OR4C6: variants seen among roughly 807,000 people sequenced by gnomAD.
OR4C6 encodes olfactory receptor 4C6.
In OR4C6, 20 loss-of-function variants were observed where a neutral mutation model predicts 13.9. That is an observed-to-expected ratio of 1.43 (90% CI 1.01 to 2.08). The LOEUF (loss-of-function observed/expected upper bound fraction) is 2.08, where lower values mean the gene tolerates loss of function less well. OR4C6 is among the 30% of genes most tolerant of loss of function. The pLI, the probability that OR4C6 is intolerant of heterozygous loss-of-function variation, is 0.00. For missense variants in OR4C6, 555 were observed against 381.2 expected (o/e 1.46, Z -3.80); for synonymous variants, 193 against 141.5 (o/e 1.36, Z -2.58).
At chr11:55,663,543 C>G (rs1173675775) in intron 1 of OR4C6, among the ~76,000 whole-genome samples, 1 of 138,640 alleles carries the variant, frequency 7.2e-6, no homozygotes, top group Non-Finnish European at 1.6e-5. Context: ...TGATACTCAT[C>G]TAGGAAACCA....
Position 55,665,393 on chromosome 11 carries a change from C to G in OR4C6, c.227C>G (p.Ala76Gly). 6.2e-7 allele frequency: 1 copy of G among 1,613,448 alleles called. No individual in the cohort carries two copies. The highest frequency in any genetic ancestry group is 1.1e-5 in the South Asian group (1 of 91,072). ...GATGTCATGTTCTCATCTGTCGTTG[C>G]CCCCAAGGTGATTGTAGACACCCTC... is the stretch of plus-strand genomic sequence containing the variant. ...LLDVMFSSVV[A>G]PKVIVDTLSK... The change falls in exon 2 of 2, where the codon GCC (alanine) becomes GGC (glycine). Residue 76 changes from alanine (A) to glycine (G), a missense_variant. Transcript: ENST00000314259.
Position 55,665,447 on chromosome 11 carries a change from G to T in OR4C6, c.281G>T (p.Gly94Val), listed in dbSNP as rs1858728322. 1 of 1,613,746 alleles carries T rather than the reference G, an allele frequency of 6.2e-7. No individual in the cohort carries two copies. The highest frequency in any genetic ancestry group is 8.5e-7 in the Non-Finnish European group (1 of 1,179,976). Residue 94 changes from glycine (G) to valine (V), a missense_variant, in exon 2 of 2, where the codon GGC (glycine) becomes GTC (valine). Transcript: ENST00000314259. ...AAGAGCACTACCATCTCTCTCAAAG[G>T]CTGCCTCACCCAGCTGTTTGTGGAG... ...LSKSTTISLK[G>V]CLTQLFVEHF...
chr11:55,665,314 A>G lies in OR4C6; in HGVS notation c.148A>G (p.Ser50Gly), dbSNP rs200014503. The part of the protein sequence containing the change: ...NLLIVVTIIT[S>G]QSLRSPMYFF... ...ACTTATTGTGGTAACTATTATCACA[A>G]GTCAGAGTCTGAGGTCACCTATGTA... The change falls in exon 2 of 2, where the codon AGT (serine) becomes GGT (glycine). Residue 50 changes from serine (S) to glycine (G), a missense_variant. Physicochemically the swap from Ser to Gly is moderately conservative, Grantham distance 56. Coordinates refer to ENST00000314259, the MANE Select transcript of OR4C6 (RefSeq NM_001004704.2). The G allele has an allele frequency of 6.2e-7, 1 of 1,613,726 alleles. No individual in the cohort carries two copies. Among genetic ancestry groups the G allele is most frequent in the Non-Finnish European group, 8.5e-7 (1 of 1,179,778 alleles).
chr11:55,665,945 T>C lies in OR4C6; in HGVS notation c.779T>C (p.Val260Ala). Residue 260 changes from valine (V) to alanine (A), a missense_variant, in exon 2 of 2, where the codon GTG (valine) becomes GCG (alanine). Val to Ala is a moderately conservative substitution (Grantham distance 64, BLOSUM62 0). Transcript: ENST00000314259. ...TGTATTTTCTTGTACATGAGGCCTG[T>C]GGTCACTCACCCCATAGACAAGGCA... ...VPCIFLYMRP[V>A]VTHPIDKAMA... 6.2e-7 allele frequency: 1 copy of C among 1,613,958 alleles called. No individual in the cohort carries two copies. The highest frequency in any genetic ancestry group is 8.5e-7 in the Non-Finnish European group (1 of 1,179,984).
In OR4C6 at chr11:55,666,009, T is replaced by A. The variant is rs771846584; in HGVS notation, c.843T>A (p.Asn281Lys). 1.2e-6 allele frequency: 2 copies of A among 1,613,664 alleles called. No homozygotes were observed. The highest frequency in any genetic ancestry group is 2.7e-5 in the African/African-American group (2 of 74,754). The part of the protein sequence containing the change: ...VSDSIITPML[N>K]PLIYTLRNAE... ...ACTCAATCATCACACCCATGTTAAATCCCTTGATCTATACACTGAGGAATG... is the reference window on the plus strand; with the variant it reads ...ACTCAATCATCACACCCATGTTAAAACCCTTGATCTATACACTGAGGAATG... The change falls in exon 2 of 2, where the codon AAT (asparagine) becomes AAA (lysine). Residue 281 changes from asparagine to lysine, a missense_variant. By Grantham distance (94) the Asn-to-Lys change is moderately conservative (BLOSUM62 0). Transcript: ENST00000314259.
chr11:55,664,574 T>A (rs1465938249), intron 1 of OR4C6, among the ~76,000 whole-genome samples: 1 of 152,102 alleles, frequency 6.6e-6, no homozygotes, highest in Admixed American at 6.5e-5. Flanking sequence ...ATAAGCAGGA[T>A]AATAATTGTA....
chr11:55,662,565 C>T lies in OR4C6; in HGVS notation c.-43+317C>T, dbSNP rs1242508319. Among the ~76,000 whole-genome samples the T allele has an allele frequency of 9.4e-5, 13 of 139,022 alleles. 3 individuals carry two copies. The South Asian group carries it at 1.6e-3, about 18-fold the overall frequency. The allele number at this position is 139,022 out of a possible 152,430, so 91.2% of individuals were successfully genotyped here. The stretch of plus-strand genomic sequence containing the variant: ...GGAAATAAGAGAAACATGTAATAAA[C>T]ATAAAGTAATGATATATAGAAAACA... On this transcript the variant is annotated intron_variant, in intron 1 of 1. Transcript: ENST00000314259.
intron 1 of OR4C6, 117 bp from the exon 2 acceptor site, chr11:55,665,008 A>T (rs138741538): frequency 1.8e-4 from 103 of 582,040 alleles, no homozygotes; most frequent in African/African-American, 1.2e-3. Context: ...CATTCTTAGA[A>T]GTCAAATGCC....
intron 1 of OR4C6, among the ~76,000 whole-genome samples, 185 bp downstream of exon 1, chr11:55,662,433 C>G (rs1401729254): frequency 7.2e-6 from 1 of 139,056 alleles, no homozygotes; most frequent in Non-Finnish European, 1.6e-5. Flanking sequence ...CTGCTCACTG[C>G]AGTTTCCTTC....
Position 55,665,741 on chromosome 11 carries a change from T to A in OR4C6, c.575T>A (p.Ile192Asn). 6.2e-7 allele frequency: 1 copy of A among 1,613,972 alleles called. No homozygotes were observed. Among genetic ancestry groups the A allele is most frequent in the Non-Finnish European group, 8.5e-7 (1 of 1,179,998 alleles). The change falls in exon 2 of 2, where the codon ATC becomes AAC. Residue 192 changes from isoleucine (I) to asparagine (N), a missense_variant. Coordinates refer to ENST00000314259, the MANE Select transcript of OR4C6 (RefSeq NM_001004704.2). ...LLTLACTDTH[I>N]LGLLVTLNSG... is the part of the protein sequence containing the mutation. ...ACACTTGCCTGCACGGACACCCACATCCTGGGCCTCTTAGTTACCCTCAAC... is the reference window on the plus strand; with the variant it reads ...ACACTTGCCTGCACGGACACCCACAACCTGGGCCTCTTAGTTACCCTCAAC...
chr11:55,665,156 A>T lies in OR4C6; in HGVS notation c.-11A>T. ...CAACTCTCAGCTGGAACTCATATCA[A>T]CACCTGAGAAATGGAAAATCAAAAC... On this transcript the variant is annotated 5_prime_UTR_variant, in exon 2 of 2. Coordinates refer to ENST00000314259, the MANE Select transcript of OR4C6 (RefSeq NM_001004704.2). 5 of 1,565,200 alleles carry T rather than the reference A, an allele frequency of 3.2e-6. No homozygotes were observed. Among genetic ancestry groups the T allele is most frequent in the Non-Finnish European group, 4.4e-6 (5 of 1,142,526 alleles).
chr11:55,665,287 C>A lies in OR4C6; in HGVS notation c.121C>A (p.Leu41Ile), dbSNP rs965193113. The change falls in exon 2 of 2, where the codon CTA becomes ATA. Residue 41 changes from leucine to isoleucine, a missense_variant. Coordinates refer to ENST00000314259, the MANE Select transcript of OR4C6 (RefSeq NM_001004704.2). The part of the protein sequence containing the change: ...VMYVATVLEN[L>I]LIVVTIITSQ... ...GTATGTAGCCACAGTGCTGGAAAATCTACTTATTGTGGTAACTATTATCAC... is the reference window on the plus strand; with the variant it reads ...GTATGTAGCCACAGTGCTGGAAAATATACTTATTGTGGTAACTATTATCAC... The A allele has an allele frequency of 1.1e-5, 18 of 1,612,990 alleles. No individual in the cohort carries two copies. The highest frequency in any genetic ancestry group is 2.2e-5 in the East Asian group (1 of 44,882).
At chr11:55,664,628 T>C (rs977286741) in intron 1 of OR4C6, among the ~76,000 whole-genome samples, 4 of 152,086 alleles carry the variant, frequency 2.6e-5, no homozygotes, top group African/African-American at 9.7e-5. Flanking sequence ...TCTCACAGCA[T>C]AATTACTAGA....
In OR4C6 at chr11:55,665,613, G is replaced by T. The variant is rs576336634; in HGVS notation, c.447G>T (p.Gly149=). 1.2e-6 allele frequency: 2 copies of T among 1,613,774 alleles called. No individual in the cohort carries two copies. The highest frequency in any genetic ancestry group is 1.7e-5 in the Admixed American group (1 of 59,988). ...TAATGGTAGGAGGGGCTTGGGTGGG[G>T]GGATTTATGCACGCAATGATACAAC... ...CCLMVGGAWV[G]GFMHAMIQLL... Residue 149 remains glycine (G), a synonymous_variant, in exon 2 of 2, where the codon GGG becomes GGT. Coordinates refer to ENST00000314259, the MANE Select transcript of OR4C6 (RefSeq NM_001004704.2).
intron 1 of OR4C6, among the ~76,000 whole-genome samples, chr11:55,664,371 G>T (rs2134329893): frequency 6.6e-6 from 1 of 152,082 alleles, no homozygotes; most frequent in East Asian, 1.9e-4. Context: ...GTTGTATTGG[G>T]GATCTGGAGT....
In OR4C6 at chr11:55,665,635, C is replaced by A. The variant is rs375833343; in HGVS notation, c.469C>A (p.Gln157Lys). Reference protein sequence around the residue: ...WVGGFMHAMIQLLFMYQIPFC... With the variant: ...WVGGFMHAMIKLLFMYQIPFC... ...GGGGGGATTTATGCACGCAATGATACAACTTCTCTTCATGTATCAAATACC... is the reference window on the plus strand; with the variant it reads ...GGGGGGATTTATGCACGCAATGATAAAACTTCTCTTCATGTATCAAATACC... The change falls in exon 2 of 2, where the codon CAA becomes AAA. Residue 157 changes from glutamine to lysine, a missense_variant. Transcript: ENST00000314259. 1.2e-6 allele frequency: 2 copies of A among 1,613,748 alleles called. No homozygotes were observed. The highest frequency in any genetic ancestry group is 1.7e-6 in the Non-Finnish European group (2 of 1,179,830).
At position 55,662,828 on chromosome 11, in the gene OR4C6, G is replaced by A. The variant is rs1259956008; in HGVS notation, c.-43+580G>A. 1.4e-5 allele frequency among the ~76,000 whole-genome samples: 2 copies of A among 138,828 alleles called. 1 individual carries two copies. Among genetic ancestry groups the A allele is most frequent in the Admixed American group, 1.6e-4 (2 of 12,766 alleles). 91.1% of individuals were successfully genotyped at this position (138,828 alleles called of 152,430 possible). On this transcript the variant is annotated intron_variant, in intron 1 of 1. Coordinates refer to ENST00000314259, the MANE Select transcript of OR4C6 (RefSeq NM_001004704.2). ...AGGTGAAAATACTGGGGCGCTGTGA[G>A]GCAAAGGAGTTGGTAGCCTGGGCAT...
In OR4C6 at chr11:55,665,432, C is replaced by T; in HGVS notation, c.266C>T (p.Thr89Ile). Residue 89 changes from threonine (T) to isoleucine (I), a missense_variant, in exon 2 of 2, where the codon ACC becomes ATC. Physicochemically the swap from Thr to Ile is moderately conservative, Grantham distance 89. Transcript: ENST00000314259. ...VIVDTLSKST[T>I]ISLKGCLTQL... ...GTAGACACCCTCTCCAAGAGCACTA[C>T]CATCTCTCTCAAAGGCTGCCTCACC... is the stretch of plus-strand genomic sequence containing the variant. 2 of 1,613,818 alleles carry T rather than the reference C, an allele frequency of 1.2e-6. No homozygotes were observed. Among genetic ancestry groups the T allele is most frequent in the South Asian group, 1.1e-5 (1 of 91,076 alleles).
chr11:55,665,419 T>C lies in OR4C6; in HGVS notation c.253T>C (p.Ser85Pro). Residue 85 changes from serine to proline, a missense_variant, in exon 2 of 2, where the codon TCC becomes CCC. Transcript: ENST00000314259. ...VAPKVIVDTL[S>P]KSTTISLKGC... ...CCCCAAGGTGATTGTAGACACCCTCTCCAAGAGCACTACCATCTCTCTCAA... is the reference window on the plus strand; with the variant it reads ...CCCCAAGGTGATTGTAGACACCCTCCCCAAGAGCACTACCATCTCTCTCAA... The C allele has an allele frequency of 6.2e-7, 1 of 1,613,848 alleles. No individual in the cohort carries two copies.
Sources: allele counts gnomAD v4.1 joint callset (sites outside exome capture counted in the v4.1 genomes callset), GRCh38; gene constraint gnomAD v4.1.1; transcripts MANE v1.5; gene names NCBI Gene and HGNC (gene_info 2026-07-23, HGNC 2026-07-21).